Variants in PCDHGA2 observed in about 807,000 individuals in gnomAD.
The protein encoded by PCDHGA2 is protocadherin gamma-A2.
In PCDHGA2, 40 loss-of-function variants were observed where a neutral mutation model predicts 59.2. The ratio of observed to expected loss-of-function variants is 0.68; its 90% CI spans 0.52 to 0.88. The LOEUF is 0.88. Ranked by LOEUF, PCDHGA2 falls within the 40% of genes least tolerant of loss-of-function variation. The probability of loss-of-function intolerance (pLI) is 0.00; values close to 1 mark genes in which losing one functional copy is unlikely to be tolerated. For synonymous variants in PCDHGA2, 560 were observed against 526.0 expected (o/e 1.06, Z -0.89); for missense variants, 1,226 against 1,204.0 (o/e 1.02, Z -0.27).
At chr5:141,419,644 C>T (rs867285747) in intron 1 of PCDHGA2, 1 of 1,612,514 alleles carries the variant, frequency 6.2e-7, no homozygotes, top group Middle Eastern at 1.7e-4. Context: ...TGGCCGTGGA[C>T]GCGGACTCGG....
intron 1 of PCDHGA2, chr5:141,399,577 TC>T (rs1393975550): frequency 6.2e-7 from 1 of 1,613,972 alleles, no homozygotes; most frequent in Non-Finnish European, 8.5e-7. Flanking sequence ...CGGCCAAGTC[TC>T]CTACTCTATC....
chr5:141,428,310 G>A (rs2097132610), intron 1 of PCDHGA2: 1 of 671,630 alleles, frequency 1.5e-6, no homozygotes, highest in Admixed American at 2.2e-5. Context: ...ACCTGGTCGT[G>A]GCCTTGGCCT....
intron 1 of PCDHGA2, among the ~76,000 whole-genome samples, chr5:141,434,860 A>G (rs2097723622): frequency 6.6e-6 from 1 of 151,982 alleles, no homozygotes; most frequent in African/African-American, 2.4e-5. Flanking sequence ...ATAAATTTAT[A>G]TATATGTGAC....
chr5:141,401,429 G>A lies in PCDHGA2; in HGVS notation c.2424+60034G>A, dbSNP rs1305820458. ...AGAGAAAGAGAGAGACTGATTCACT[G>A]AACTTAGAAGGTCCAAATCATCCAA... On this transcript the variant is annotated intron_variant, in intron 1 of 3. Coordinates refer to ENST00000394576, the MANE Select transcript of PCDHGA2 (RefSeq NM_018915.4). Among the ~76,000 whole-genome samples the A allele has an allele frequency of 2.6e-5, 4 of 152,182 alleles. No homozygotes were observed. In the East Asian group the frequency reaches 7.7e-4, roughly 29 times the overall value.
At chr5:141,473,272 A>G (rs2099318396) in intron 1 of PCDHGA2, among the ~76,000 whole-genome samples, 1 of 152,182 alleles carries the variant, frequency 6.6e-6, no homozygotes, top group African/African-American at 2.4e-5. Flanking sequence ...GTATGCTATG[A>G]TTATTTTACT....
rs1327490895 is a variant in PCDHGA2, at chr5:141,487,672, G to A, written c.2425-7135G>A. The stretch of plus-strand genomic sequence containing the variant: ...AGGGTTATTCTGATCCAGGCATATG[G>A]CTAGGCCATGTCCTAGAGAGTACTG... On this transcript the variant is annotated intron_variant, in intron 1 of 3. Coordinates refer to ENST00000394576, the MANE Select transcript of PCDHGA2 (RefSeq NM_018915.4). This position sits in a 1 kb window ranked among gnomAD's most constrained non-coding sequence, Gnocchi z 5.0. 6.2e-7 allele frequency: 1 copy of A among 1,611,484 alleles called. No individual in the cohort carries two copies. Among genetic ancestry groups the A allele is most frequent in the Non-Finnish European group, 8.5e-7 (1 of 1,178,612 alleles).
intron 1 of PCDHGA2, chr5:141,403,315 A>G (rs1268267002): frequency 6.2e-7 from 1 of 1,613,974 alleles, no homozygotes; most frequent in Non-Finnish European, 8.5e-7. Flanking sequence ...GAATAGAAAT[A>G]GAAGTAACTG....
At chr5:141,353,088 G>C (rs1588498543) in intron 1 of PCDHGA2, among the ~76,000 whole-genome samples, 1 of 152,128 alleles carries the variant, frequency 6.6e-6, no homozygotes, top group East Asian at 1.9e-4. Context: ...TCTACTGCGG[G>C]AGGGGGTACT....
rs764241006 is a variant in PCDHGA2 at position 141,345,969 on chromosome 5, G to A, written c.2424+4574G>A. The A allele has an allele frequency of 2.0e-4, 322 of 1,613,170 alleles. 1 individual carries two copies. The highest frequency in any genetic ancestry group is 1.5e-3 in the African/African-American group (115 of 74,994). Reference sequence around the variant, plus strand: ...GCTCAAGCAGAGCCTCGTGGTGGCCGTCCAGGACCACGGCCAGCCCCCTCT... The same window carrying A: ...GCTCAAGCAGAGCCTCGTGGTGGCCATCCAGGACCACGGCCAGCCCCCTCT... On this transcript the variant is annotated intron_variant, in intron 1 of 3. Coordinates refer to ENST00000394576, the MANE Select transcript of PCDHGA2 (RefSeq NM_018915.4).
At chr5:141,343,978 A>T in intron 1 of PCDHGA2, 1 of 1,398,848 alleles carries the variant, frequency 7.1e-7, no homozygotes, top group Non-Finnish European at 9.6e-7. Flanking sequence ...ATAAGATTGG[A>T]GTCCGTCGTA....
At chr5:141,402,953 A>G in intron 1 of PCDHGA2, 3 of 1,597,298 alleles carry the variant, frequency 1.9e-6, no homozygotes, top group Middle Eastern at 1.7e-4. Context: ...CGAGGCAGCA[A>G]TGGCAGCTCC....
chr5:141,422,977 G>A (rs1434523351), intron 1 of PCDHGA2: 1 of 1,614,110 alleles, frequency 6.2e-7, no homozygotes, highest in Non-Finnish European at 8.5e-7. Context: ...CCGCTCTGCG[G>A]AACCTGGCTA....
chr5:141,494,894 C>A, intron 2 of PCDHGA2, 29 bp downstream of exon 2: 1 of 1,614,116 alleles, frequency 6.2e-7, no homozygotes, highest in South Asian at 1.1e-5. Flanking sequence ...AGCCCACCCT[C>A]TTCTCTGCGG....
chr5:141,385,529 T>G (rs568078652), intron 1 of PCDHGA2: 1 of 1,354,768 alleles, frequency 7.4e-7, no homozygotes, highest in South Asian at 2.0e-5. Context: ...TGGACAAGAT[T>G]ATGAATATGT....
chr5:141,396,720 C>T (rs1432240411), intron 1 of PCDHGA2: 1 of 151,964 alleles, frequency 6.6e-6, no homozygotes, highest in Non-Finnish European at 1.5e-5. Flanking sequence ...AAGCTAATAC[C>T]TGAATTGATT....
At chr5:141,373,416 G>A (rs1162363989) in intron 1 of PCDHGA2, among the ~76,000 whole-genome samples, 3 of 152,182 alleles carry the variant, frequency 2.0e-5, no homozygotes, top group Non-Finnish European at 4.4e-5. Context: ...CCAGCTACTC[G>A]GGAGGCTGAG....
intron 1 of PCDHGA2, chr5:141,393,206 A>C (rs774279389): frequency 1.2e-6 from 2 of 1,613,470 alleles, no homozygotes; most frequent in African/African-American, 1.3e-5. Context: ...ATAATAACCC[A>C]AAATTCCAGG....
chr5:141,376,351 G>A (rs1333788917), intron 1 of PCDHGA2: 4 of 1,614,178 alleles, frequency 2.5e-6, no homozygotes, highest in Non-Finnish European at 3.4e-6. Context: ...ATTCCCACGA[G>A]GTCTCACTCA....
chr5:141,371,862 T>C (rs549873232), intron 1 of PCDHGA2: 34 of 1,613,560 alleles, frequency 2.1e-5, no homozygotes, highest in African/African-American at 1.5e-4. Context: ...TGTCTCCTAC[T>C]ACATCGTGGC....
Sources: allele counts gnomAD v4.1 joint callset (sites outside exome capture counted in the v4.1 genomes callset), GRCh38; gene constraint gnomAD v4.1.1; non-coding constraint Gnocchi (gnomAD v3.1); transcripts MANE v1.5; gene names NCBI Gene and HGNC (gene_info 2026-07-23, HGNC 2026-07-21).